Variants in MACROD2 observed in about 807,000 individuals in gnomAD.
The protein encoded by MACROD2 is mono-ADP ribosylhydrolase 2, also known as ADP-ribose glycohydrolase MACROD2.
Under a neutral mutation model 70.4 loss-of-function variants are expected in MACROD2, and 36 were observed. That is an observed-to-expected ratio of 0.51 (90% confidence interval 0.39 to 0.68). The LOEUF (loss-of-function observed/expected upper bound fraction) is 0.68. MACROD2 is among the 30% of genes least tolerant of loss of function. MACROD2 has a pLI of 0.00. For missense variants in MACROD2, 496 were observed against 538.4 expected, an observed-to-expected ratio of 0.92 and a Z score of 0.78; for synonymous variants, 172 against 178.8, an observed-to-expected ratio of 0.96 and a Z score of 0.30.
intron 5 of MACROD2, among the ~76,000 whole-genome samples, chr20:14,773,403 C>T (rs1179363244): frequency 6.6e-6 from 1 of 151,934 alleles, no homozygotes; most frequent in African/African-American, 2.4e-5. Flanking sequence ...CCCTGGTAAC[C>T]ACCTTTTCAC....
At chr20:14,229,876 C>T (rs972193058) in intron 3 of MACROD2, among the ~76,000 whole-genome samples, 1 of 152,112 alleles carries the variant, frequency 6.6e-6, no homozygotes, top group South Asian at 2.1e-4. Context: ...AATGCGGAGA[C>T]ACTGCAGTTT....
intron 8 of MACROD2, among the ~76,000 whole-genome samples, chr20:15,679,101 G>A (rs1016830669): frequency 6.6e-6 from 1 of 152,248 alleles, no homozygotes; most frequent in Admixed American, 6.5e-5. Flanking sequence ...GCTGGGTGTA[G>A]TGGCACATGT....
intron 6 of MACROD2, among the ~76,000 whole-genome samples, chr20:15,355,469 G>A (rs6079779): frequency 2.6e-5 from 4 of 152,254 alleles, no homozygotes; most frequent in South Asian, 2.1e-4. Context: ...CATCTTCCCA[G>A]CACATCAATG....
At chr20:14,621,228 T>A (rs1031854819) in intron 4 of MACROD2, among the ~76,000 whole-genome samples, 3 of 152,248 alleles carry the variant, frequency 2.0e-5, no homozygotes, top group Non-Finnish European at 4.4e-5. Context: ...TAGGTGCTAT[T>A]ATTAAGAAGT....
At chr20:15,692,254 C>T (rs1174187189) in intron 8 of MACROD2, among the ~76,000 whole-genome samples, 1 of 152,106 alleles carries the variant, frequency 6.6e-6, no homozygotes, top group Non-Finnish European at 1.5e-5. Context: ...ATGGCAAAAT[C>T]AAACTTCCAA....
At chr20:14,136,664 T>A (rs1261465846) in intron 3 of MACROD2, among the ~76,000 whole-genome samples, 1 of 152,196 alleles carries the variant, frequency 6.6e-6, no homozygotes, top group African/African-American at 2.4e-5. Context: ...CAGGTGATTC[T>A]GATGCTCAAG....
At chr20:14,281,500 A>G (rs2082305718) in intron 3 of MACROD2, among the ~76,000 whole-genome samples, 1 of 152,176 alleles carries the variant, frequency 6.6e-6, no homozygotes. Context: ...TAGTGGTAAT[A>G]CTTTTGCAAC....
intron 8 of MACROD2, among the ~76,000 whole-genome samples, chr20:15,722,443 G>C (rs553377954): frequency 6.6e-6 from 1 of 152,130 alleles, no homozygotes; most frequent in Non-Finnish European, 1.5e-5. Flanking sequence ...TTAGAAAATA[G>C]ATTAACTTGG....
At chr20:14,222,963 A>G (rs2081693251) in intron 3 of MACROD2, 1 of 152,222 alleles carries the variant, frequency 6.6e-6, no homozygotes, top group African/African-American at 2.4e-5. Flanking sequence ...AGAAACAAGA[A>G]GGACAAGTGA....
chr20:16,037,772 G>T (rs1351167544), intron 15 of MACROD2, among the ~76,000 whole-genome samples: 1 of 151,692 alleles, frequency 6.6e-6, no homozygotes, highest in African/African-American at 2.4e-5. Context: ...AGGTTATTTT[G>T]TATGTTTATT....
At chr20:15,753,893 G>A (rs1488525011) in intron 8 of MACROD2, among the ~76,000 whole-genome samples, 1 of 152,110 alleles carries the variant, frequency 6.6e-6, no homozygotes, top group Non-Finnish European at 1.5e-5. Flanking sequence ...ATAAACACTT[G>A]CAAGTACCTA....
chr20:14,485,565 G>A (rs934930835), intron 3 of MACROD2, among the ~76,000 whole-genome samples: 1 of 151,970 alleles, frequency 6.6e-6, no homozygotes, highest in Non-Finnish European at 1.5e-5. Context: ...GCCGGGCGTG[G>A]TGGCAGGCAC....
intron 5 of MACROD2, among the ~76,000 whole-genome samples, chr20:14,749,849 C>G (rs1296630513): frequency 6.6e-6 from 1 of 151,998 alleles, no homozygotes; most frequent in Non-Finnish European, 1.5e-5. Flanking sequence ...AAAGATTTCA[C>G]TTATGTGAGC....
Position 13,995,786 on chromosome 20 carries a change from A to G in MACROD2, c.23A>G (p.Lys8Arg). 1.2e-6 allele frequency: 2 copies of G among 1,611,686 alleles called. No individual in the cohort carries two copies. Among genetic ancestry groups the G allele is most frequent in the Non-Finnish European group, 1.7e-6 (2 of 1,178,824 alleles). The change falls in exon 1 of 18, where the codon AAA (lysine) becomes AGA (arginine). Residue 8 changes from lysine to arginine, a missense_variant. Coordinates refer to ENST00000684519, the MANE Select transcript of MACROD2 (RefSeq NM_001351661.2). The surrounding 1 kb of genome is among the most constrained non-coding windows in gnomAD (Gnocchi z 4.3). MYPSNKK[K>R]KVWREEKERL... ...AACATGTACCCCAGCAACAAGAAGA[A>G]AAAGGTGTGGAGAGAGGAGAAAGGT...
intron 8 of MACROD2, among the ~76,000 whole-genome samples, chr20:15,642,282 C>T (rs1270312781): frequency 3.9e-5 from 6 of 152,066 alleles, no homozygotes; most frequent in Non-Finnish European, 8.8e-5. Context: ...TAGATAGTAT[C>T]GTAGAAAAAC....
intron 8 of MACROD2, among the ~76,000 whole-genome samples, chr20:15,745,946 T>C (rs2051176496): frequency 1.3e-5 from 2 of 152,174 alleles, no homozygotes; most frequent in Non-Finnish European, 2.9e-5. Flanking sequence ...TATATCTTAA[T>C]ATTTGGCAGA....
At chr20:14,006,546 T>C (rs2052824661) in intron 2 of MACROD2, among the ~76,000 whole-genome samples, 1 of 152,204 alleles carries the variant, frequency 6.6e-6, no homozygotes, top group Non-Finnish European at 1.5e-5. Flanking sequence ...TAAAATTTAA[T>C]TTTGATATAA....
At chr20:15,825,504 G>GT (rs1258512749) in intron 8 of MACROD2, among the ~76,000 whole-genome samples, 112 of 146,766 alleles carry the variant, frequency 7.6e-4, no homozygotes, top group African/African-American at 1.1e-3. Flanking sequence ...TTTGTTGTTG[G>GT]TTTTTTTTTT....
In MACROD2 at chr20:14,205,901, C is replaced by A. The variant is rs556864438; in HGVS notation, c.271+120173C>A. ...GCCTTCTAATTCTTTTATTATTGAG[C>A]CCATATTTTTATTTTATCCATGAGG... On this transcript the variant is annotated intron_variant, in intron 3 of 17. Transcript: ENST00000684519. Among the ~76,000 whole-genome samples the A allele has an allele frequency of 2.0e-5, 3 of 152,224 alleles. No homozygotes were observed. In the East Asian group the frequency reaches 5.8e-4, roughly 29 times the overall value.
Sources: allele counts gnomAD v4.1 joint callset (sites outside exome capture counted in the v4.1 genomes callset), GRCh38; gene constraint gnomAD v4.1.1; non-coding constraint Gnocchi (gnomAD v3.1); transcripts MANE v1.5; gene names NCBI Gene and HGNC (gene_info 2026-07-23, HGNC 2026-07-21).